CALN1: variants seen among roughly 807,000 people sequenced by gnomAD.
CALN1 encodes calcium-binding protein 8.
Under a neutral mutation model 30.6 loss-of-function variants are expected in CALN1, and 17 were observed. The ratio of observed to expected loss-of-function variants is 0.56; its 90% CI spans 0.38 to 0.83. CALN1 has a LOEUF of 0.83. CALN1 is among the 40% of genes least tolerant of loss of function. The pLI, the probability that CALN1 is intolerant of heterozygous loss-of-function variation, is 0.00. For missense variants in CALN1, 291 were observed against 354.9 expected (o/e 0.82, Z 1.45); for synonymous variants, 156 against 131.4 (o/e 1.19, Z -1.28).
At chr7:71,884,782 T>C (rs1251963987) in intron 5 of CALN1, among the ~76,000 whole-genome samples, 1 of 152,180 alleles carries the variant, frequency 6.6e-6, no homozygotes, top group African/African-American at 2.4e-5. Context: ...ACCTGTTTCT[T>C]TGCCATATTT....
intron 2 of CALN1, among the ~76,000 whole-genome samples, chr7:72,387,283 AG>A (rs1562939132): frequency 4.9e-5 from 2 of 40,902 alleles, no homozygotes; most frequent in African/African-American, 1.0e-4. Flanking sequence ...GAAGGGAGGG[AG>A]GGAGGGAGGG....
chr7:72,234,033 A>T (rs77036640), intron 3 of CALN1, among the ~76,000 whole-genome samples: 8,516 of 151,886 alleles, frequency 0.056, 364 homozygotes, highest in African/African-American at 0.12. Flanking sequence ...ACAAACAAAC[A>T]AACTAAATTA....
chr7:72,471,395 G>T, the CALN1 span, among the ~76,000 whole-genome samples: 3 of 152,198 alleles, frequency 2.0e-5, no homozygotes, highest in Non-Finnish European at 4.4e-5. Flanking sequence ...CTTGAACCAG[G>T]TGCTAAAGAG....
At chr7:72,092,429 A>G (rs532035502) in intron 4 of CALN1, among the ~76,000 whole-genome samples, 1 of 150,908 alleles carries the variant, frequency 6.6e-6, no homozygotes, top group South Asian at 2.1e-4. Flanking sequence ...CAAAATTTAT[A>G]ACACACACAC....
intron 5 of CALN1, among the ~76,000 whole-genome samples, chr7:71,930,760 G>C (rs1474875075): frequency 6.6e-6 from 1 of 152,132 alleles, no homozygotes; most frequent in Non-Finnish European, 1.5e-5. Context: ...GTGTATTCTG[G>C]TGTCCCAGTT....
At chr7:72,270,092 CGTGT>C (rs538948120) in intron 3 of CALN1, among the ~76,000 whole-genome samples, 1 of 149,616 alleles carries the variant, frequency 6.7e-6, no homozygotes, top group African/African-American at 2.5e-5. Context: ...TGGGTGTTTC[CGTGT>C]GTGTGTGTGT....
At chr7:71,847,526 A>C (rs888804595) in intron 5 of CALN1, among the ~76,000 whole-genome samples, 1 of 151,828 alleles carries the variant, frequency 6.6e-6, no homozygotes, top group South Asian at 2.1e-4. Flanking sequence ...CAAAAACAAA[A>C]AAAAAATTAT....
intron 3 of CALN1, among the ~76,000 whole-genome samples, chr7:72,181,513 C>T (rs1681886433): frequency 2.3e-5 from 3 of 130,868 alleles, no homozygotes; most frequent in South Asian, 5.0e-4. Context: ...GAGTCTTGCT[C>T]TGTCACCCAG....
At chr7:71,921,011 A>C (rs182187990) in intron 5 of CALN1, among the ~76,000 whole-genome samples, 5 of 152,360 alleles carry the variant, frequency 3.3e-5, no homozygotes, top group Admixed American at 3.3e-4. Context: ...TACACCATGG[A>C]ATACTATGCA....
At position 71,788,478 on chromosome 7, in the gene CALN1, G is replaced by GTTT. The variant is rs71092906; in HGVS notation, c.659-579_659-577dup. The stretch of plus-strand genomic sequence containing the variant: ...CAAGCAGCATCCCCATTACTAAGAG[G>GTTT]TTTTTTTTTGTTGTTTTTTTTTTTT... On this transcript the variant is annotated intron_variant, in intron 6 of 6. Transcript: ENST00000395275. Among the ~76,000 whole-genome samples the GTTT allele has an allele frequency of 4.1e-3, 587 of 141,730 alleles. 16 individuals carry two copies. Among genetic ancestry groups the GTTT allele is most frequent in the African/African-American group, 0.015 (545 of 37,068 alleles). 93.0% of individuals were successfully genotyped at this position (141,730 alleles called of 152,430 possible). A position where few individuals can be genotyped will look rare whatever the true frequency, so the allele number is the denominator to read the frequency against.
chr7:72,092,871 T>C (rs906478673), intron 4 of CALN1, among the ~76,000 whole-genome samples: 1 of 152,054 alleles, frequency 6.6e-6, no homozygotes, highest in Non-Finnish European at 1.5e-5. Flanking sequence ...TTAGCTAACA[T>C]GGAAGGAGAG....
intron 2 of CALN1, among the ~76,000 whole-genome samples, chr7:72,306,849 T>C (rs1309008980): frequency 6.6e-6 from 1 of 152,144 alleles, no homozygotes; most frequent in African/African-American, 2.4e-5. Context: ...GAGGGCTTTG[T>C]CTCGGGCCAT....
intron 4 of CALN1, among the ~76,000 whole-genome samples, chr7:72,049,872 C>T (rs1802725824): frequency 6.8e-6 from 1 of 148,096 alleles, no homozygotes; most frequent in Admixed American, 6.8e-5. Context: ...TGCAGTGGTG[C>T]AATCTCGGCT....
intron 3 of CALN1, among the ~76,000 whole-genome samples, chr7:72,276,465 G>A (rs1797340256): frequency 6.6e-6 from 1 of 152,190 alleles, no homozygotes; most frequent in Admixed American, 6.5e-5. Flanking sequence ...TTAGGAGGGA[G>A]CAGCCCTCAT....
At chr7:72,247,398 C>T (rs1474171276) in intron 3 of CALN1, among the ~76,000 whole-genome samples, 3 of 151,342 alleles carry the variant, frequency 2.0e-5, no homozygotes, top group African/African-American at 7.3e-5. Context: ...CAGGTGCCCG[C>T]CACCACGCCC....
chr7:72,422,771 T>C (rs1807656053), intron 1 of CALN1, among the ~76,000 whole-genome samples: 1 of 152,240 alleles, frequency 6.6e-6, no homozygotes, highest in African/African-American at 2.4e-5. Flanking sequence ...CTTTATCTCT[T>C]ACATGAACTC....
chr7:72,254,457 C>T (rs1304417021), intron 3 of CALN1, among the ~76,000 whole-genome samples: 2 of 152,112 alleles, frequency 1.3e-5, no homozygotes, highest in Admixed American at 1.3e-4. Context: ...GTCTGCTGTC[C>T]CCACTCATCA....
At chr7:72,009,275 C>T (rs1476829732) in intron 5 of CALN1, among the ~76,000 whole-genome samples, 1 of 152,080 alleles carries the variant, frequency 6.6e-6, no homozygotes, top group African/African-American at 2.4e-5. Flanking sequence ...AACAATGACA[C>T]TTGTAATTTT....
At chr7:71,790,353 AAG>A (rs1329410097) in intron 6 of CALN1, among the ~76,000 whole-genome samples, 50 of 102,468 alleles carry the variant, frequency 4.9e-4, no homozygotes, top group African/African-American at 1.6e-3. Flanking sequence ...AAAGAAAAGA[AAG>A]AAAGAAAGAA....
Sources: allele counts gnomAD v4.1 joint callset (sites outside exome capture counted in the v4.1 genomes callset), GRCh38; gene constraint gnomAD v4.1.1; transcripts MANE v1.5; gene names NCBI Gene and HGNC (gene_info 2026-07-23, HGNC 2026-07-21).